Variants in SOX6 observed in about 807,000 individuals in gnomAD.
SOX6 encodes SRY-box transcription factor 6, also known as transcription factor SOX-6.
A neutral mutation model predicts 97.8 loss-of-function variants in SOX6; 11 were observed. The observed-to-expected ratio is 0.11, with a 90% CI of 0.07 to 0.19. SOX6 has a LOEUF of 0.19. Among genes scored for constraint, SOX6 ranks in the 10% least tolerant of loss-of-function variants. SOX6 has a pLI of 1.00. For missense variants in SOX6, 810 were observed against 1,039.5 expected (o/e 0.78, Z 3.04); for synonymous variants, 360 against 371.4 (o/e 0.97, Z 0.35).
chr11:16,419,778 T>C (rs1310200309), intron 1 of SOX6, among the ~76,000 whole-genome samples: 1 of 152,074 alleles, frequency 6.6e-6, no homozygotes, highest in African/African-American at 2.4e-5. Flanking sequence ...GTCCCTCCCA[T>C]ACTTACTATT....
chr11:16,367,191 G>T (rs1373330421), intron 1 of SOX6, among the ~76,000 whole-genome samples: 4 of 152,068 alleles, frequency 2.6e-5, no homozygotes, highest in Non-Finnish European at 1.5e-5. Context: ...TTTTGGTTTT[G>T]TTCTGTTTCT....
intron 3 of SOX6, among the ~76,000 whole-genome samples, chr11:16,274,228 A>G (rs963601716): frequency 5.9e-5 from 9 of 152,084 alleles, no homozygotes; most frequent in African/African-American, 1.7e-4. Context: ...ATAAACATTG[A>G]TTTGGGATTC....
rs1590109680 is a variant in SOX6, at chr11:15,986,226, T to A, written c.2161A>T (p.Met721Leu). The A allele has an allele frequency of 1.2e-5, 20 of 1,614,112 alleles. No homozygotes were observed. The highest frequency in any genetic ancestry group is 1.6e-5 in the Non-Finnish European group (19 of 1,179,988). ...KQLMRSRRQE[M>L]RQFFTVGQQP... ...TACCCCACAGTAAAGAACTGCCTCATCTCCTGTCTCCGAGACCTCATCAGT... is the reference window on the plus strand; with the variant it reads ...TACCCCACAGTAAAGAACTGCCTCAACTCCTGTCTCCGAGACCTCATCAGT... The change falls in exon 15 of 16, where the codon ATG becomes TTG. Residue 721 changes from methionine (M) to leucine (L), a missense_variant. Around this residue, in one of 9 missense-constraint regions of SOX6, gnomAD observed 122 missense variants for 153.4 expected, o/e 0.80. Coordinates refer to ENST00000683767, the MANE Select transcript of SOX6 (RefSeq NM_001367873.1).
chr11:16,138,543 A>AT (rs369872607), intron 6 of SOX6, among the ~76,000 whole-genome samples: 10 of 151,074 alleles, frequency 6.6e-5, no homozygotes, highest in Non-Finnish European at 8.9e-5. Context: ...TTATTTTTTT[A>AT]TTTTTTTTAT....
At chr11:16,479,474 G>T, upstream of SOX6, among the ~76,000 whole-genome samples, 1 of 151,392 alleles carries the variant, frequency 6.6e-6, no homozygotes, top group African/African-American at 2.4e-5. Flanking sequence ...AGGTTACAGT[G>T]AGCCAAGATT....
At chr11:16,351,363 T>C (rs145819295) in intron 1 of SOX6, among the ~76,000 whole-genome samples, 18 of 152,204 alleles carry the variant, frequency 1.2e-4, no homozygotes, top group Non-Finnish European at 1.6e-4. Context: ...TCATCTCTCT[T>C]ACCATACTTA....
chr11:16,364,331 A>G (rs1857290787), intron 1 of SOX6, among the ~76,000 whole-genome samples: 1 of 152,118 alleles, frequency 6.6e-6, no homozygotes, highest in African/African-American at 2.4e-5. Flanking sequence ...CCAAAAAAAT[A>G]ACTTAGTAGC....
intron 4 of SOX6, among the ~76,000 whole-genome samples, chr11:16,229,683 G>C (rs889795963): frequency 1.3e-5 from 2 of 151,820 alleles, no homozygotes; most frequent in Non-Finnish European, 2.9e-5. Flanking sequence ...TTCTGTAAGA[G>C]TTTTCTTCTC....
chr11:16,144,551 G>A (rs1295571655), intron 6 of SOX6, among the ~76,000 whole-genome samples: 1 of 152,132 alleles, frequency 6.6e-6, no homozygotes, highest in Non-Finnish European at 1.5e-5. Context: ...AAAAATCAAT[G>A]AATCCAGCAG....
intron 3 of SOX6, among the ~76,000 whole-genome samples, chr11:16,309,356 A>G (rs2066831076): frequency 1.3e-5 from 2 of 152,336 alleles, no homozygotes; most frequent in Middle Eastern, 3.4e-3. Flanking sequence ...GAGAAAATGA[A>G]TGAAAGTTCA....
At chr11:16,482,125 TAGAA>T (rs76520708) in intron 4 of SOX6, among the ~76,000 whole-genome samples, 33,255 of 151,988 alleles carry the variant, frequency 0.22, 4,105 homozygotes, top group East Asian at 0.51. Context: ...GATAGGTAGT[TAGAA>T]AGAGGCAGAA....
intron 1 of SOX6, among the ~76,000 whole-genome samples, chr11:16,424,991 A>G (rs1189945865): frequency 6.6e-6 from 1 of 152,234 alleles, no homozygotes; most frequent in African/African-American, 2.4e-5. Context: ...AAGAAAAAAA[A>G]CTTCCAGGCC....
chr11:16,173,447 C>A (rs1434243598), intron 6 of SOX6, among the ~76,000 whole-genome samples: 1 of 151,824 alleles, frequency 6.6e-6, no homozygotes, highest in Non-Finnish European at 1.5e-5. Flanking sequence ...CTCAGTAAGA[C>A]TGACAGTAGA....
At chr11:16,471,738 T>C (rs1860145870) in intron 1 of SOX6, among the ~76,000 whole-genome samples, 1 of 152,152 alleles carries the variant, frequency 6.6e-6, no homozygotes. Context: ...ATCTGACTTA[T>C]CTTAGTCATA....
rs557828345 is a variant in SOX6, at chr11:16,337,836, C to T, written c.237+3176G>A. On this transcript the variant is annotated intron_variant, in intron 2 of 15. Transcript: ENST00000683767. The stretch of plus-strand genomic sequence containing the variant: ...TTCTCCTTCTTTGCTTATGCCATTA[C>T]AAATTATTTTTCTTGTTTGAACCTA... Among the ~76,000 whole-genome samples, 3 of 152,204 alleles carry T rather than the reference C, an allele frequency of 2.0e-5. No individual in the cohort carries two copies. The East Asian group carries it at 5.8e-4, about 29-fold the overall frequency.
At chr11:16,475,383 A>C (rs1041073570) in intron 1 of SOX6, among the ~76,000 whole-genome samples, 1 of 152,164 alleles carries the variant, frequency 6.6e-6, no homozygotes, top group African/African-American at 2.4e-5. Context: ...CTGTTGATTT[A>C]ATGTGAGACT....
intron 1 of SOX6, among the ~76,000 whole-genome samples, chr11:16,399,213 A>G (rs1328929891): frequency 6.6e-6 from 1 of 151,346 alleles, no homozygotes; most frequent in Non-Finnish European, 1.5e-5. Flanking sequence ...ATGTTTATTA[A>G]AAAGCTTTGA....
intron 15 of SOX6, among the ~76,000 whole-genome samples, chr11:15,975,310 A>T (rs1214578172): frequency 6.6e-6 from 1 of 152,218 alleles, no homozygotes; most frequent in Non-Finnish European, 1.5e-5. Flanking sequence ...TAACCTTATA[A>T]TGCCTCATTG....
At chr11:16,522,545 A>C (rs1338134878) in intron 4 of SOX6, among the ~76,000 whole-genome samples, 1 of 152,210 alleles carries the variant, frequency 6.6e-6, no homozygotes, top group East Asian at 1.9e-4. Flanking sequence ...TGTAAGGACC[A>C]TCGAGACTAG....
Sources: allele counts gnomAD v4.1 joint callset (sites outside exome capture counted in the v4.1 genomes callset), GRCh38; gene constraint gnomAD v4.1.1; regional missense constraint gnomAD v4.1.1; transcripts MANE v1.5; gene names NCBI Gene and HGNC (gene_info 2026-07-23, HGNC 2026-07-21).